TGM5: variants seen among roughly 807,000 people sequenced by gnomAD.
TGM5 encodes the protein protein-glutamine gamma-glutamyltransferase 5.
Under a neutral mutation model 77.2 loss-of-function variants are expected in TGM5, and 69 were observed. The ratio of observed to expected loss-of-function variants is 0.89; its 90% CI spans 0.74 to 1.09. The LOEUF is 1.09. TGM5 is among the 50% of genes least tolerant of loss of function. The pLI, the probability that TGM5 is intolerant of heterozygous loss-of-function variation, is 0.00. For missense variants in TGM5, 842 were observed against 896.5 expected (o/e 0.94, Z 0.78); for synonymous variants, 346 against 351.8 (o/e 0.98, Z 0.18).
chr15:43,242,976 G>A (rs563673301), intron 6 of TGM5, among the ~76,000 whole-genome samples: 6 of 152,182 alleles, frequency 3.9e-5, no homozygotes, highest in African/African-American at 1.4e-4. Context: ...AGGGAGAGCA[G>A]GGAGCAAGCC....
intron 3 of TGM5, among the ~76,000 whole-genome samples, chr15:43,258,828 T>A (rs1369542790): frequency 6.6e-6 from 1 of 152,060 alleles, no homozygotes; most frequent in Non-Finnish European, 1.5e-5. Flanking sequence ...TCATTAACGC[T>A]TTTCTCCCCA....
chr15:43,253,163 A>T (rs1022802590), intron 5 of TGM5, among the ~76,000 whole-genome samples: 6 of 151,986 alleles, frequency 3.9e-5, no homozygotes, highest in African/African-American at 1.5e-4. Flanking sequence ...TCTACCCCTT[A>T]CCCATGTCCT....
intron 6 of TGM5, chr15:43,241,356 A>T: frequency 2.9e-6 from 1 of 343,608 alleles, no homozygotes; most frequent in South Asian, 2.7e-5. Flanking sequence ...CTCCATCTTC[A>T]AGCCAAAGCT....
intron 6 of TGM5, chr15:43,241,344 A>G: frequency 2.8e-6 from 1 of 355,816 alleles, no homozygotes; most frequent in African/African-American, 2.1e-5. Context: ...CTGGCCCTAA[A>G]TCTCCATCTT....
chr15:43,251,509 T>C (rs765995201), intron 6 of TGM5, among the ~76,000 whole-genome samples: 2 of 152,150 alleles, frequency 1.3e-5, no homozygotes, highest in Non-Finnish European at 2.9e-5. Context: ...AACACCAAGC[T>C]ATGGGCAGAT....
intron 5 of TGM5, among the ~76,000 whole-genome samples, 183 bp from the exon 6 acceptor site, chr15:43,253,119 C>T (rs929292909): frequency 1.3e-5 from 2 of 152,130 alleles, no homozygotes; most frequent in African/African-American, 2.4e-5. Context: ...CTGACTTCTG[C>T]TCCACTGTGA....
chr15:43,235,712 G>A lies in TGM5; in HGVS notation c.1471C>T (p.Pro491Ser), dbSNP rs552005220. 8.7e-6 allele frequency: 14 copies of A among 1,614,224 alleles called. No homozygotes were observed. In the East Asian group the frequency reaches 2.7e-4, roughly 31 times the overall value. The change falls in exon 10 of 13, where the codon CCT becomes TCT. Residue 491 changes from proline (P) to serine (S), a missense_variant. Physicochemically the swap from Pro to Ser is moderately conservative, Grantham distance 74. Around this residue, in one of 2 missense-constraint regions of TGM5, gnomAD observed 815 missense variants for 844.6 expected, o/e 0.96. Transcript: ENST00000220420. ...AGGGAAGGTGTATGCAGGCTCCGAG[G>A]GCTGTCCTGGCTCAGTGATGTGGGC... ...SRPTSLSQDS[P>S]RSLHTPSLRP...
intron 6 of TGM5, among the ~76,000 whole-genome samples, chr15:43,251,345 G>A (rs184257272): frequency 3.3e-5 from 5 of 150,288 alleles, no homozygotes; most frequent in African/African-American, 1.2e-4. Context: ...ACCTCCTCGT[G>A]CCCTTGGACA....
intron 1 of TGM5, among the ~76,000 whole-genome samples, chr15:43,265,485 A>G (rs2042818053): frequency 6.6e-6 from 1 of 152,248 alleles, no homozygotes; most frequent in Non-Finnish European, 1.5e-5. Context: ...GCGCTGGGAC[A>G]AAATTCCATC....
chr15:43,241,213 C>T (rs1422196740), intron 6 of TGM5: 1 of 609,718 alleles, frequency 1.6e-6, no homozygotes. Context: ...ACTGCTCAGA[C>T]AAGCACTGCC....
intron 3 of TGM5, among the ~76,000 whole-genome samples, chr15:43,257,209 T>C (rs1029720253): frequency 6.6e-6 from 1 of 152,232 alleles, no homozygotes; most frequent in African/African-American, 2.4e-5. Context: ...GAGTGCTGTT[T>C]ATGATTCTGA....
intron 7 of TGM5, among the ~76,000 whole-genome samples, chr15:43,240,523 G>A (rs948184627): frequency 1.3e-5 from 2 of 151,866 alleles, no homozygotes; most frequent in Non-Finnish European, 2.9e-5. Flanking sequence ...AACCTTCAAA[G>A]GGCAGTGGGG....
In TGM5 at chr15:43,260,131, G is replaced by A. The variant is rs1220515543; in HGVS notation, c.357C>T (p.Ile119=). 2 of 1,614,140 alleles carry A rather than the reference G, an allele frequency of 1.2e-6. No individual in the cohort carries two copies. Among genetic ancestry groups the A allele is most frequent in the South Asian group, 1.1e-5 (1 of 91,074 alleles). The change falls in exon 3 of 13, where the codon ATC becomes ATT. Residue 119 remains isoleucine (I), a synonymous_variant. Coordinates refer to ENST00000220420, the MANE Select transcript of TGM5 (RefSeq NM_201631.4). ...CAGACCCCTGGAAGGAGTCGATGTG[G>A]ATTTTCAAGAGGTACCGACCCACGG... The part of the protein sequence containing the change: ...TAAVGRYLLK[I]HIDSFQGSVT...
At chr15:43,249,173 T>C (rs1472685488) in intron 6 of TGM5, among the ~76,000 whole-genome samples, 1 of 152,142 alleles carries the variant, frequency 6.6e-6, no homozygotes, top group Non-Finnish European at 1.5e-5. Context: ...CCCAAGTCAT[T>C]GCTGTCCCCT....
Position 43,239,023 on chromosome 15 carries a change from G to T in TGM5, c.1139C>A (p.Ala380Asp), listed in dbSNP as rs1293834458. Reference protein sequence around the residue: ...VYCCGPASVRAIKEGEVDLNY... With the variant: ...VYCCGPASVRDIKEGEVDLNY... The stretch of plus-strand genomic sequence containing the variant: ...CAGGTCCACTTCTCCTTCTTTGATG[G>T]CTCTGACAGAGGCAGGGCCACAGCA... Residue 380 changes from alanine (A) to aspartate (D), a missense_variant, in exon 9 of 13, where the codon GCC becomes GAC. Coordinates refer to ENST00000220420, the MANE Select transcript of TGM5 (RefSeq NM_201631.4). 5.0e-6 allele frequency: 8 copies of T among 1,614,024 alleles called. No homozygotes were observed. The highest frequency in any genetic ancestry group is 5.9e-6 in the Non-Finnish European group (7 of 1,180,012).
At chr15:43,240,728 G>GA in intron 7 of TGM5, 124 bp downstream of exon 7, 1 of 1,250,658 alleles carries the variant, frequency 8.0e-7, no homozygotes, top group Middle Eastern at 2.6e-4. Flanking sequence ...GGGGGAGGGT[G>GA]AGGGGGTGTG....
chr15:43,234,010 A>G (rs1035672080), intron 11 of TGM5, among the ~76,000 whole-genome samples: 9 of 152,190 alleles, frequency 5.9e-5, no homozygotes, highest in African/African-American at 1.9e-4. Flanking sequence ...AATCTACACA[A>G]CAAACTTTCT....
chr15:43,240,703 TGGTGGGGGGTGGGTGGGGGAG>T, intron 7 of TGM5, 128 bp downstream of exon 7: 1 of 776,388 alleles, frequency 1.3e-6, no homozygotes, highest in Non-Finnish European at 1.9e-6. Flanking sequence ...GGGACAGCCT[TGGTGGGGGGTGGGTGGGGGAG>T]GGTGAGGGGG....
At chr15:43,258,083 TG>T (rs1239200358) in intron 3 of TGM5, among the ~76,000 whole-genome samples, 4 of 149,966 alleles carry the variant, frequency 2.7e-5, no homozygotes, top group African/African-American at 9.9e-5. Context: ...TGTCGTGGGG[TG>T]GGGGGAAGAG....
Sources: gnomAD v4.1 joint callset for allele counts (sites outside exome capture counted in the v4.1 genomes callset) on GRCh38, gnomAD v4.1.1 for gene constraint, gnomAD v4.1.1 regional missense constraint, MANE v1.5 for transcripts, NCBI Gene and HGNC (gene_info 2026-07-23, HGNC 2026-07-21) for gene names.